TPPP2: variants seen among roughly 807,000 people sequenced by gnomAD.
TPPP2 encodes tubulin polymerization promoting protein family member 2.
In TPPP2, 8 loss-of-function variants were observed where a neutral mutation model predicts 13.0. The observed-to-expected ratio is 0.62, with a 90% confidence interval of 0.36 to 1.11. The LOEUF (loss-of-function observed/expected upper bound fraction) is 1.11, where lower values mean the gene tolerates loss of function less well. TPPP2 is among the 50% of genes most tolerant of loss of function. The pLI is 0.02. For missense variants in TPPP2, 213 were observed against 216.9 expected (o/e 0.98, Z 0.11); for synonymous variants, 81 against 81.8 (o/e 0.99, Z 0.05).
downstream of TPPP2, chr14:21,036,117 T>C (rs1351085342): frequency 2.2e-6 from 1 of 449,208 alleles, no homozygotes; most frequent in African/African-American, 2.0e-5. Context: ...TGAGCCTGAG[T>C]CCATCAGTCA....
chr14:21,031,809 C>G, intron 3 of TPPP2, 83 bp from the exon 4 acceptor site: 1 of 1,465,638 alleles, frequency 6.8e-7, no homozygotes, highest in Middle Eastern at 1.9e-4. Context: ...AGCACTTGTT[C>G]TAAGTATCTC....
At chr14:21,028,926 G>A (rs941589322), upstream of TPPP2, 3 of 152,196 alleles carry the variant, frequency 2.0e-5, no homozygotes, top group South Asian at 2.1e-4. Flanking sequence ...CACCAGTCTC[G>A]TTGCTCTGTT....
Position 21,030,656 on chromosome 14 carries a change from G to A in TPPP2, c.75G>A (p.Met25Ile). ...AATCATCAAGCAGTGGCACTGAAAT[G>A]AACAACAAGAACTTCTCCAAGCTGT... ...FGESSSSGTE[M>I]NNKNFSKLCK... Residue 25 changes from methionine (M) to isoleucine (I), a missense_variant, in exon 2 of 4, where the codon ATG (methionine) becomes ATA (isoleucine). Met to Ile is a conservative substitution (Grantham distance 10). Coordinates refer to ENST00000321760, the MANE Select transcript of TPPP2 (RefSeq NM_173846.5). 9 of 1,614,106 alleles carry A rather than the reference G, an allele frequency of 5.6e-6. No individual in the cohort carries two copies. The highest frequency in any genetic ancestry group is 7.6e-6 in the Non-Finnish European group (9 of 1,180,016).
chr14:21,024,572 G>T, intron 1 of TPPP2: 1 of 985,450 alleles, frequency 1.0e-6, no homozygotes, highest in Non-Finnish European at 1.2e-6. Context: ...CACAAAGATT[G>T]GTGCCGTCGC....
At chr14:21,033,941 G>T (rs1306467655), downstream of TPPP2, 1 of 1,614,100 alleles carries the variant, frequency 6.2e-7, no homozygotes, top group Admixed American at 1.7e-5. Flanking sequence ...GTGGCTGTTG[G>T]TGGCTCAGGG....
At chr14:21,025,902 G>A (rs1883544359), upstream of TPPP2, 2 of 188,464 alleles carry the variant, frequency 1.1e-5, no homozygotes, top group Non-Finnish European at 2.0e-5. This position sits in a 1 kb window ranked among gnomAD's most constrained non-coding sequence, Gnocchi z 5.1. Context: ...CTGACTCCTG[G>A]GTAAACAGGC....
chr14:21,035,852 A>T (rs1467360240), downstream of TPPP2: 3 of 456,080 alleles, frequency 6.6e-6, no homozygotes, highest in Non-Finnish European at 8.8e-6. Flanking sequence ...CCACCTCCCC[A>T]ATCCCAGCTA....
rs183192162 is a variant in TPPP2 at position 21,030,425 on chromosome 14, G to A, written c.-69-88G>A. 3.7e-4 allele frequency: 271 copies of A among 729,120 alleles called. 4 individuals carry two copies. The African/African-American group carries it at 4.4e-3, about 12-fold the overall frequency. 45.2% of individuals were successfully genotyped at this position (729,120 alleles called of 1,614,324 possible). ...TGCGTAGGTGCAATGGGAGCTGGGAGGGAGAAAGGAGAGAGCAACAGGGAA... is the reference window on the plus strand; with the variant it reads ...TGCGTAGGTGCAATGGGAGCTGGGAAGGAGAAAGGAGAGAGCAACAGGGAA... On this transcript the variant is annotated intron_variant, in intron 1 of 3. Transcript: ENST00000321760.
downstream of TPPP2, chr14:21,035,664 C>T (rs549150256): frequency 9.5e-6 from 4 of 420,628 alleles, no homozygotes; most frequent in South Asian, 5.3e-5. Context: ...GGAGTAAGGC[C>T]GCAGAGAGAA....
downstream of TPPP2, chr14:21,036,303 T>C (rs1801647534): frequency 2.2e-6 from 1 of 455,730 alleles, no homozygotes; most frequent in African/African-American, 2.0e-5. Flanking sequence ...TTCTTTCGTC[T>C]AAAAGTCTGC....
downstream of TPPP2, chr14:21,033,932 T>TG (rs1318047002): frequency 2.5e-6 from 4 of 1,613,754 alleles, no homozygotes; most frequent in African/African-American, 1.3e-5. Context: ...AGCTAGTGGG[T>TG]GGCTGTTGGT....
chr14:21,024,895 C>T, intron 1 of TPPP2: 2 of 985,604 alleles, frequency 2.0e-6, no homozygotes, highest in Non-Finnish European at 2.4e-6. Flanking sequence ...TTGTGCGCAG[C>T]AACCGAGCGC....
downstream of TPPP2, chr14:21,033,781 G>T (rs761975973): frequency 8.6e-6 from 11 of 1,283,732 alleles, no homozygotes; most frequent in Admixed American, 1.7e-5. Flanking sequence ...GGAGACAGCT[G>T]GCCTGTGGTG....
chr14:21,034,202 G>A, downstream of TPPP2: 2 of 1,614,052 alleles, frequency 1.2e-6, no homozygotes, highest in Non-Finnish European at 1.7e-6. Context: ...AGAAGTTCCT[G>A]CTGCCAATCT....
At chr14:21,028,764 C>G (rs1298467363), upstream of TPPP2, among the ~76,000 whole-genome samples, 1 of 151,884 alleles carries the variant, frequency 6.6e-6, no homozygotes, top group East Asian at 1.9e-4. Flanking sequence ...GAAAAGAGAT[C>G]ATTTAGAAAC....
downstream of TPPP2, chr14:21,034,151 C>T: frequency 6.2e-7 from 1 of 1,614,140 alleles, no homozygotes; most frequent in South Asian, 1.1e-5. Context: ...CCCGGAAACC[C>T]TTTGGGTAGT....
At chr14:21,033,864 T>A (rs140148764), downstream of TPPP2, 1 of 1,614,110 alleles carries the variant, frequency 6.2e-7, no homozygotes. Context: ...ATCAGCTTCA[T>A]ACTTGCGGGA....
At chr14:21,033,788 G>T, downstream of TPPP2, 1 of 1,337,048 alleles carries the variant, frequency 7.5e-7, no homozygotes, top group Non-Finnish European at 1.1e-6. Context: ...GCTGGCCTGT[G>T]GTGGTAGAGG....
chr14:21,030,294 G>T lies in TPPP2; in HGVS notation c.-80G>T, dbSNP rs1278907769. Reference sequence around the variant, plus strand: ...CCGGGAAGGGTCAGACCACCATCCGGGTACTCTAAGGTACATAAAAGAGGT... The same window carrying T: ...CCGGGAAGGGTCAGACCACCATCCGTGTACTCTAAGGTACATAAAAGAGGT... On this transcript the variant is annotated 5_prime_UTR_variant, in exon 1 of 4. Coordinates refer to ENST00000321760, the MANE Select transcript of TPPP2 (RefSeq NM_173846.5). 10 of 367,700 alleles carry T rather than the reference G, an allele frequency of 2.7e-5. No homozygotes were observed. In the East Asian group the frequency reaches 5.1e-4, roughly 19 times the overall value. 22.8% of individuals were successfully genotyped at this position (367,700 alleles called of 1,614,324 possible).
Sources: allele counts gnomAD v4.1 joint callset (sites outside exome capture counted in the v4.1 genomes callset), GRCh38; gene constraint gnomAD v4.1.1; non-coding constraint Gnocchi (gnomAD v3.1); transcripts MANE v1.5; gene names NCBI Gene and HGNC (gene_info 2026-07-23, HGNC 2026-07-21).